Variants in ANKH observed in about 807,000 individuals in gnomAD.
ANKH encodes ANKH inorganic pyrophosphate transport regulator, also known as mineralization regulator ANKH.
Under a neutral mutation model 49.0 loss-of-function variants are expected in ANKH, and 15 were observed. The ratio of observed to expected loss-of-function variants is 0.31; its 90% confidence interval spans 0.20 to 0.47. The LOEUF (loss-of-function observed/expected upper bound fraction) is 0.47. Ranked by LOEUF, ANKH falls within the 20% of genes least tolerant of loss-of-function variation. The pLI is 1.00. For missense variants in ANKH, 429 were observed against 652.0 expected, an observed-to-expected ratio of 0.66 and a Z score of 3.72; for synonymous variants, 273 against 260.0, an observed-to-expected ratio of 1.05 and a Z score of -0.48.
In ANKH at chr5:14,713,597, A is replaced by G. The variant is rs1737323465; in HGVS notation, c.1212T>C (p.Ser404=). 1 of 1,614,236 alleles carries G rather than the reference A, an allele frequency of 6.2e-7. No homozygotes were observed. The highest frequency in any genetic ancestry group is 1.1e-5 in the South Asian group (1 of 91,080). Residue 404 remains serine, a synonymous_variant, in exon 10 of 12, where the codon TCT becomes TCC. Transcript: ENST00000284268. The surrounding 1 kb of genome is among the most constrained non-coding windows in gnomAD (Gnocchi z 4.4). Reference sequence around the variant, plus strand: ...CGATGAGGACGATGATCCGCAGCACAGAGCTGGGGGCAAGGACGAAGGTTT... The same window carrying G: ...CGATGAGGACGATGATCCGCAGCACGGAGCTGGGGGCAAGGACGAAGGTTT... The part of the protein sequence containing the change: ...LKKTFVLAPS[S]VLRIIVLIAS...
chr5:14,858,754 TAAA>T lies in ANKH; in HGVS notation c.96+12595_96+12597del, dbSNP rs1735383188. On this transcript the variant is annotated intron_variant, in intron 1 of 11. Transcript: ENST00000284268. ...ATAAATAAATAAATAAATAAATAAA[TAAA>T]TAAAATAAAATAAAATATATGCACA... 4.2e-5 allele frequency among the ~76,000 whole-genome samples: 4 copies of T among 96,286 alleles called. 1 individual carries two copies. Among genetic ancestry groups the T allele is most frequent in the Admixed American group, 1.9e-4 (2 of 10,496 alleles). 63.2% of individuals were successfully genotyped at this position (96,286 alleles called of 152,430 possible). A position where few individuals can be genotyped will look rare whatever the true frequency, so the allele number is the denominator to read the frequency against.
intron 1 of ANKH, among the ~76,000 whole-genome samples, chr5:14,796,283 A>C (rs1214649087): frequency 6.6e-6 from 1 of 152,002 alleles, no homozygotes; most frequent in East Asian, 1.9e-4. Context: ...AGATGGCATC[A>C]AACTAGTGGT....
intron 1 of ANKH, among the ~76,000 whole-genome samples, chr5:14,833,216 T>C (rs575064884): frequency 1.3e-5 from 2 of 152,324 alleles, no homozygotes; most frequent in South Asian, 2.1e-4. Flanking sequence ...TCTTAAGTTA[T>C]AGCATTGCCA....
In ANKH at chr5:14,712,866, T is replaced by TGTCTCACCTGCTTCCGGTA. The variant is rs771011433; in HGVS notation, c.1354_1365+7dup. 1 of 1,602,930 alleles carries TGTCTCACCTGCTTCCGGTA rather than the reference T, an allele frequency of 6.2e-7. No individual in the cohort carries two copies. The highest frequency in any genetic ancestry group is 2.2e-5 in the East Asian group (1 of 44,466). On this transcript the variant is annotated splice_region_variant and intron_variant, in intron 11 of 11. Coordinates refer to ENST00000284268, the MANE Select transcript of ANKH (RefSeq NM_054027.6). ...CCCGGGAGGAGGCTCCCGGCGCGGC[T>TGTCTCACCTGCTTCCGGTA]GTCTCACCTGCTTCCGGTAGACATA...
At chr5:14,853,103 C>A (rs913365765) in intron 1 of ANKH, among the ~76,000 whole-genome samples, 3 of 152,092 alleles carry the variant, frequency 2.0e-5, no homozygotes, top group Non-Finnish European at 4.4e-5. Flanking sequence ...GCACCAACCT[C>A]CCCCCAAACT....
At chr5:14,777,513 T>C (rs1739664520) in intron 1 of ANKH, among the ~76,000 whole-genome samples, 1 of 152,206 alleles carries the variant, frequency 6.6e-6, no homozygotes, top group Admixed American at 6.5e-5. Context: ...CTGATCTCCC[T>C]GGTATGAGCT....
At chr5:14,842,809 A>G (rs939661705) in intron 1 of ANKH, among the ~76,000 whole-genome samples, 3 of 152,168 alleles carry the variant, frequency 2.0e-5, no homozygotes, top group African/African-American at 7.2e-5. Context: ...ATGCAGGAGC[A>G]ATCATATCAC....
chr5:14,775,798 T>C (rs1007914514), intron 1 of ANKH, among the ~76,000 whole-genome samples: 4 of 152,048 alleles, frequency 2.6e-5, no homozygotes, highest in East Asian at 1.9e-4. Flanking sequence ...GTGAAGAACA[T>C]GTGTTTTGCT....
At chr5:14,748,436 T>C (rs1278496620) in intron 6 of ANKH, among the ~76,000 whole-genome samples, 1 of 152,228 alleles carries the variant, frequency 6.6e-6, no homozygotes, top group African/African-American at 2.4e-5. Context: ...TGGGCAGCCA[T>C]GAGCCTTCCT....
At position 14,754,838 on chromosome 5, in the gene ANKH, G is replaced by A. The variant is rs369956362; in HGVS notation, c.516+1023C>T. Among the ~76,000 whole-genome samples the A allele has an allele frequency of 2.0e-5, 3 of 152,260 alleles. No individual in the cohort carries two copies. In the East Asian group the frequency reaches 5.8e-4, roughly 29 times the overall value. On this transcript the variant is annotated intron_variant, in intron 4 of 11. Transcript: ENST00000284268. Reference sequence around the variant, plus strand: ...TGCCTGTAATCCCAGCACTTTGGGAGGCCGAGGTGGGCAGATCACCTGAGG... The same window carrying A: ...TGCCTGTAATCCCAGCACTTTGGGAAGCCGAGGTGGGCAGATCACCTGAGG...
chr5:14,805,634 A>G (rs935423813), intron 1 of ANKH, among the ~76,000 whole-genome samples: 4 of 151,282 alleles, frequency 2.6e-5, no homozygotes, highest in Non-Finnish European at 5.9e-5. Flanking sequence ...AACTTGCCTT[A>G]TTTTTCTTAG....
chr5:14,835,128 C>A (rs376917738), intron 1 of ANKH, among the ~76,000 whole-genome samples: 5 of 152,276 alleles, frequency 3.3e-5, no homozygotes, highest in South Asian at 4.1e-4. Context: ...GTAATCTTTA[C>A]AAGTTTTTTA....
At chr5:14,741,079 T>A (rs1371075527) in intron 8 of ANKH, among the ~76,000 whole-genome samples, 1 of 152,250 alleles carries the variant, frequency 6.6e-6, no homozygotes. Context: ...GAAGGCTGTT[T>A]ATAAACGGTA....
chr5:14,853,598 T>A (rs1011776817), intron 1 of ANKH, among the ~76,000 whole-genome samples: 3 of 152,018 alleles, frequency 2.0e-5, no homozygotes, highest in Non-Finnish European at 4.4e-5. Context: ...ATAATTTAGG[T>A]GGAGGGGCCT....
chr5:14,844,188 T>C (rs1741893219), intron 1 of ANKH, among the ~76,000 whole-genome samples: 1 of 152,206 alleles, frequency 6.6e-6, no homozygotes, highest in Non-Finnish European at 1.5e-5. Context: ...AAAATAGATA[T>C]ATCCCCAAGG....
chr5:14,824,290 T>C (rs1399364393), intron 1 of ANKH, among the ~76,000 whole-genome samples: 5 of 152,196 alleles, frequency 3.3e-5, no homozygotes, highest in African/African-American at 1.2e-4. Flanking sequence ...AAATGACATG[T>C]CTGCTGCATA....
At chr5:14,841,166 A>T (rs1741804037) in intron 1 of ANKH, among the ~76,000 whole-genome samples, 1 of 152,220 alleles carries the variant, frequency 6.6e-6, no homozygotes, top group East Asian at 1.9e-4. Context: ...AGTTTTATTT[A>T]AAAAACAAAA....
At chr5:14,734,424 G>A (rs958304472) in intron 8 of ANKH, among the ~76,000 whole-genome samples, 6 of 152,156 alleles carry the variant, frequency 3.9e-5, no homozygotes, top group South Asian at 2.1e-4. Flanking sequence ...CTGTAAGGGC[G>A]CATCCTTCTA....
Position 14,749,501 on chromosome 5 carries a change from C to T in ANKH, c.688-195G>A, listed in dbSNP as rs547126192. ...ATGTTCAGTCCTAATAGAAATTAAC[C>T]GAGACAGCTGGCAAGCTGCTGTGAA... On this transcript the variant is annotated intron_variant, in intron 5 of 11. Coordinates refer to ENST00000284268, the MANE Select transcript of ANKH (RefSeq NM_054027.6). 4.1e-4 allele frequency among the ~76,000 whole-genome samples: 63 copies of T among 152,258 alleles called. 1 individual carries two copies. Among genetic ancestry groups the T allele is most frequent in the African/African-American group, 1.4e-3 (58 of 41,546 alleles).
Sources: allele counts gnomAD v4.1 joint callset (sites outside exome capture counted in the v4.1 genomes callset), GRCh38; gene constraint gnomAD v4.1.1; non-coding constraint Gnocchi (gnomAD v3.1); transcripts MANE v1.5; gene names NCBI Gene and HGNC (gene_info 2026-07-23, HGNC 2026-07-21).